CDH2: variants seen among roughly 807,000 people sequenced by gnomAD.
CDH2 encodes cadherin-2.
A neutral mutation model predicts 92.0 loss-of-function variants in CDH2; 17 were observed. The ratio of observed to expected loss-of-function variants is 0.18; its 90% confidence interval spans 0.13 to 0.28. CDH2 has a LOEUF of 0.28. CDH2 is among the 10% of genes least tolerant of loss of function. CDH2 has a pLI of 1.00. For synonymous variants in CDH2, 419 were observed against 415.9 expected (o/e 1.01, Z -0.09); for missense variants, 862 against 1,133.1 (o/e 0.76, Z 3.44).
chr18:28,025,552 C>T (rs535516807), intron 2 of CDH2, among the ~76,000 whole-genome samples: 5 of 149,280 alleles, frequency 3.3e-5, no homozygotes, highest in South Asian at 2.1e-4. Flanking sequence ...AAATAATAAG[C>T]GTTTGCAATT....
chr18:27,949,292 T>G (rs940370598), downstream of CDH2, among the ~76,000 whole-genome samples: 2 of 151,910 alleles, frequency 1.3e-5, no homozygotes, highest in African/African-American at 4.8e-5. Flanking sequence ...GCTAAAACAT[T>G]TATTATTTCA....
At chr18:28,102,227 T>C (rs533387981) in intron 2 of CDH2, among the ~76,000 whole-genome samples, 2 of 152,246 alleles carry the variant, frequency 1.3e-5, no homozygotes, top group African/African-American at 2.4e-5. Flanking sequence ...GAGTTAATTT[T>C]AGTAGAAAAA....
chr18:28,176,846 G>T, intron 1 of CDH2, 117 bp downstream of exon 1: 2 of 401,020 alleles, frequency 5.0e-6, no homozygotes, highest in Non-Finnish European at 6.8e-6. Context: ...GCGGCGCGGC[G>T]TGGCACCTCC....
chr18:27,970,057 A>G (rs908879658), intron 14 of CDH2, among the ~76,000 whole-genome samples: 1 of 152,172 alleles, frequency 6.6e-6, no homozygotes, highest in Non-Finnish European at 1.5e-5. Flanking sequence ...AAAGTTACAA[A>G]AAATACGGAA....
intron 2 of CDH2, among the ~76,000 whole-genome samples, chr18:28,061,631 T>C (rs2014404070): frequency 6.6e-6 from 1 of 152,070 alleles, no homozygotes; most frequent in African/African-American, 2.4e-5. Context: ...AGCAAACAAA[T>C]ACTTTATCCT....
At chr18:27,968,054 T>C (rs2011572215) in intron 14 of CDH2, among the ~76,000 whole-genome samples, 1 of 152,206 alleles carries the variant, frequency 6.6e-6, no homozygotes, top group African/African-American at 2.4e-5. Context: ...TTATGGAATG[T>C]CTACTGGGTG....
chr18:28,159,546 G>T (rs1353372337), intron 1 of CDH2, among the ~76,000 whole-genome samples: 1 of 152,128 alleles, frequency 6.6e-6, no homozygotes, highest in Non-Finnish European at 1.5e-5. Flanking sequence ...ACTATCTGGG[G>T]ATCTTGAGAA....
chr18:28,146,200 T>G (rs1244213874), intron 2 of CDH2: 1 of 152,170 alleles, frequency 6.6e-6, no homozygotes, highest in Non-Finnish European at 1.5e-5. Flanking sequence ...AATTACCCAT[T>G]TAAAAATGAA....
intron 2 of CDH2, among the ~76,000 whole-genome samples, chr18:28,124,789 T>C (rs1012177937): frequency 6.6e-6 from 1 of 152,158 alleles, no homozygotes; most frequent in African/African-American, 2.4e-5. Flanking sequence ...GCAATCCAAA[T>C]ATGGGTTTGG....
intron 2 of CDH2, among the ~76,000 whole-genome samples, chr18:28,053,087 T>C (rs2014224112): frequency 1.3e-5 from 2 of 152,086 alleles, no homozygotes; most frequent in African/African-American, 4.8e-5. Context: ...GAAGAAGCCT[T>C]CAAAGAAACT....
chr18:28,120,191 TCATACACA>T (rs939464677), intron 2 of CDH2, among the ~76,000 whole-genome samples: 4 of 152,094 alleles, frequency 2.6e-5, no homozygotes, highest in South Asian at 2.1e-4. Context: ...CTAAATTCTG[TCATACACA>T]CATACACACA....
At chr18:28,155,683 T>C (rs1246147791) in intron 1 of CDH2, among the ~76,000 whole-genome samples, 1 of 152,188 alleles carries the variant, frequency 6.6e-6, no homozygotes, top group Non-Finnish European at 1.5e-5. Context: ...ATGAAGACAC[T>C]GTTAACGTCG....
At chr18:28,108,335 A>C (rs1177807508) in intron 2 of CDH2, among the ~76,000 whole-genome samples, 2 of 152,226 alleles carry the variant, frequency 1.3e-5, no homozygotes, top group East Asian at 3.9e-4. Flanking sequence ...GAAAAGCATC[A>C]TTAACTCTTT....
intron 2 of CDH2, among the ~76,000 whole-genome samples, chr18:28,082,551 C>T (rs567276067): frequency 2.0e-4 from 31 of 152,182 alleles, no homozygotes; most frequent in African/African-American, 6.7e-4. Flanking sequence ...ATAGGTACCC[C>T]CCATTCAAAA....
chr18:27,963,350 T>G lies in CDH2; in HGVS notation c.2514+7A>C, dbSNP rs1418437529. The G allele has an allele frequency of 6.2e-7, 1 of 1,613,860 alleles. No homozygotes were observed. The highest frequency in any genetic ancestry group is 1.1e-5 in the South Asian group (1 of 91,058). On this transcript the variant is annotated splice_region_variant and intron_variant, in intron 15 of 15. Transcript: ENST00000269141. Reference sequence around the variant, plus strand: ...CTCTTATAGAGAAAACGAGTGTCTCTCTGTACCTCATTAATGAAGTCCCCA... The same window carrying G: ...CTCTTATAGAGAAAACGAGTGTCTCGCTGTACCTCATTAATGAAGTCCCCA...
intron 1 of CDH2, among the ~76,000 whole-genome samples, chr18:28,159,666 T>A (rs1034627456): frequency 6.6e-6 from 1 of 151,632 alleles, no homozygotes; most frequent in Admixed American, 6.6e-5. Flanking sequence ...TTGTTTTTTT[T>A]TTTTTTTTGA....
chr18:28,052,686 G>A (rs1045561596), intron 2 of CDH2, among the ~76,000 whole-genome samples: 1 of 152,162 alleles, frequency 6.6e-6, no homozygotes, highest in Admixed American at 6.5e-5. Context: ...AAGTGAAAAT[G>A]TAGGCCATGA....
At chr18:28,013,936 T>C in intron 2 of CDH2, 27 bp from the exon 3 acceptor site, 1 of 1,554,432 alleles carries the variant, frequency 6.4e-7, no homozygotes, top group Non-Finnish European at 8.8e-7. Flanking sequence ...ATAGGTCAGT[T>C]ATTATAATTA....
intron 15 of CDH2, among the ~76,000 whole-genome samples, chr18:27,958,536 CATAT>C (rs1205370233): frequency 6.0e-5 from 9 of 149,074 alleles, no homozygotes; most frequent in Non-Finnish European, 1.2e-4. Context: ...TGTATATACA[CATAT>C]ATAAATACGT....
Sources: gnomAD v4.1 joint callset for allele counts (sites outside exome capture counted in the v4.1 genomes callset) on GRCh38, gnomAD v4.1.1 for gene constraint, MANE v1.5 for transcripts, NCBI Gene and HGNC (gene_info 2026-07-23, HGNC 2026-07-21) for gene names.